LRRTM4: variants seen among roughly 807,000 people sequenced by gnomAD.
The protein encoded by LRRTM4 is leucine rich repeat transmembrane neuronal 4, also known as leucine-rich repeat transmembrane neuronal protein 4.
LRRTM4 carries 25 observed loss-of-function variants against 47.6 expected under a neutral mutation model. The observed-to-expected ratio is 0.53, with a 90% CI of 0.38 to 0.73. The LOEUF (loss-of-function observed/expected upper bound fraction) is 0.73. Ranked by LOEUF, LRRTM4 falls within the 30% of genes least tolerant of loss-of-function variation. LRRTM4 has a pLI of 0.00. For synonymous variants in LRRTM4, 311 were observed against 269.5 expected, an observed-to-expected ratio of 1.15 and a Z score of -1.51; for missense variants, 638 against 713.4, an observed-to-expected ratio of 0.89 and a Z score of 1.20.
chr2:77,457,460 C>A (rs1333050248), intron 3 of LRRTM4, among the ~76,000 whole-genome samples: 2 of 152,046 alleles, frequency 1.3e-5, no homozygotes, highest in Non-Finnish European at 2.9e-5. Flanking sequence ...AGATGGGCTA[C>A]AAGAGAACTT....
rs559968855 is a variant in LRRTM4 at position 77,217,029 on chromosome 2, C to A, written c.1551+301289G>T. Among the ~76,000 whole-genome samples, 57 of 149,176 alleles carry A rather than the reference C, an allele frequency of 3.8e-4. 1 individual carries two copies. Among genetic ancestry groups the A allele is most frequent in the African/African-American group, 1.3e-3 (54 of 40,304 alleles). On this transcript the variant is annotated intron_variant, in intron 3 of 3. Transcript: ENST00000409884. ...CAGAGGTTGCGGTGAGCCGAGATTG[C>A]GCCACTGCACTGCAGCCTGGGCGAC...
intron 3 of LRRTM4, among the ~76,000 whole-genome samples, chr2:76,791,823 A>G (rs1317553349): frequency 6.6e-6 from 1 of 152,208 alleles, no homozygotes; most frequent in Non-Finnish European, 1.5e-5. Flanking sequence ...GTCACAGGAA[A>G]TCAAGTCAAA....
chr2:77,053,880 GAACT>G (rs1311347623), intron 3 of LRRTM4, among the ~76,000 whole-genome samples: 1 of 152,082 alleles, frequency 6.6e-6, no homozygotes, highest in African/African-American at 2.4e-5. Context: ...GAAATCAAAT[GAACT>G]GACTAGAGAA....
At chr2:76,941,306 A>C (rs1675135141) in intron 3 of LRRTM4, among the ~76,000 whole-genome samples, 1 of 152,084 alleles carries the variant, frequency 6.6e-6, no homozygotes, top group Non-Finnish European at 1.5e-5. Context: ...TGTAAAACAC[A>C]TTTTATTTTA....
chr2:77,139,769 A>T (rs567964542), intron 3 of LRRTM4, among the ~76,000 whole-genome samples: 1 of 152,324 alleles, frequency 6.6e-6, no homozygotes, highest in African/African-American at 2.4e-5. Context: ...AAGCAACTTC[A>T]GCAAAGTCTC....
chr2:77,047,295 G>A (rs766443163), intron 3 of LRRTM4, among the ~76,000 whole-genome samples: 45 of 152,086 alleles, frequency 3.0e-4, no homozygotes, highest in Non-Finnish European at 5.9e-4. Flanking sequence ...TTCCTCAGCA[G>A]AATCCTTAAG....
intron 3 of LRRTM4, among the ~76,000 whole-genome samples, chr2:77,458,665 A>G (rs1676660963): frequency 6.6e-6 from 1 of 151,854 alleles, no homozygotes; most frequent in Admixed American, 6.6e-5. Flanking sequence ...GTATCTAGGC[A>G]GGTTTTTCCT....
intron 3 of LRRTM4, among the ~76,000 whole-genome samples, chr2:76,870,996 T>C (rs1672607791): frequency 6.6e-6 from 1 of 152,208 alleles, no homozygotes; most frequent in South Asian, 2.1e-4. Flanking sequence ...CTCCTGACTA[T>C]GCTTACAGAG....
chr2:77,078,265 G>C (rs533058696), intron 3 of LRRTM4, among the ~76,000 whole-genome samples: 6 of 152,174 alleles, frequency 3.9e-5, no homozygotes, highest in African/African-American at 1.4e-4. Flanking sequence ...TTTGTTCTAA[G>C]TGTTAGTTTC....
At chr2:77,392,637 C>G (rs1393730636) in intron 3 of LRRTM4, among the ~76,000 whole-genome samples, 1 of 151,972 alleles carries the variant, frequency 6.6e-6, no homozygotes. Flanking sequence ...ACAAATACCA[C>G]ATGATCTCAC....
chr2:77,480,822 G>GGGGAGAGAGAGA (rs1553449523), intron 3 of LRRTM4, among the ~76,000 whole-genome samples: 2 of 74,498 alleles, frequency 2.7e-5, no homozygotes, highest in Non-Finnish European at 4.8e-5. Flanking sequence ...GTGTGTGTGT[G>GGGGAGAGAGAGA]GAGAGAGAGA....
chr2:77,251,815 G>A (rs990988013), intron 3 of LRRTM4, among the ~76,000 whole-genome samples: 16 of 152,092 alleles, frequency 1.1e-4, no homozygotes, highest in African/African-American at 3.9e-4. Context: ...TATTTTGTTG[G>A]CAAATTCTTC....
At chr2:77,125,169 G>A (rs1195147239) in intron 3 of LRRTM4, among the ~76,000 whole-genome samples, 1 of 152,190 alleles carries the variant, frequency 6.6e-6, no homozygotes, top group African/African-American at 2.4e-5. Context: ...ACACACATCT[G>A]CTGGAGTTCT....
chr2:77,052,530 T>A (rs1408141178), intron 3 of LRRTM4, among the ~76,000 whole-genome samples: 1 of 152,128 alleles, frequency 6.6e-6, no homozygotes. Context: ...AAGGGCCATG[T>A]TACTCATCTA....
chr2:77,139,299 G>A (rs1389591078), intron 3 of LRRTM4, among the ~76,000 whole-genome samples: 1 of 152,130 alleles, frequency 6.6e-6, no homozygotes, highest in Non-Finnish European at 1.5e-5. Context: ...CCTCATCCCT[G>A]GGATGCAAGG....
intron 3 of LRRTM4, among the ~76,000 whole-genome samples, chr2:77,159,333 C>G (rs1421379458): frequency 6.6e-6 from 1 of 151,724 alleles, no homozygotes; most frequent in Admixed American, 6.6e-5. Flanking sequence ...TTTTTCAACA[C>G]AGTAAGCTGT....
chr2:76,795,919 T>A lies in LRRTM4; in HGVS notation c.1552-47003A>T, dbSNP rs1446369686. On this transcript the variant is annotated intron_variant, in intron 3 of 3. Coordinates refer to ENST00000409884, the MANE Select transcript of LRRTM4 (RefSeq NM_001134745.3). ...ATCTGAGGTACCGGGTTCATCTCATTGGGAGTGCCAGACAGTGGGCGCAGG... is the reference window on the plus strand; with the variant it reads ...ATCTGAGGTACCGGGTTCATCTCATAGGGAGTGCCAGACAGTGGGCGCAGG... Among the ~76,000 whole-genome samples, 3 of 151,610 alleles carry A rather than the reference T, an allele frequency of 2.0e-5. No homozygotes were observed. The South Asian group carries it at 6.3e-4, about 32-fold the overall frequency.
chr2:76,865,773 AAG>A (rs1479589956), intron 3 of LRRTM4, among the ~76,000 whole-genome samples: 10 of 152,318 alleles, frequency 6.6e-5, no homozygotes, highest in Non-Finnish European at 1.5e-4. Context: ...ACATTTAAAT[AAG>A]AGAGAATTGT....
intron 3 of LRRTM4, among the ~76,000 whole-genome samples, chr2:76,964,703 C>G (rs1675966909): frequency 6.7e-6 from 1 of 149,198 alleles, no homozygotes; most frequent in South Asian, 2.1e-4. Context: ...GCAATTTAAG[C>G]TTAAATCAAG....
Sources: allele counts gnomAD v4.1 joint callset (sites outside exome capture counted in the v4.1 genomes callset), GRCh38; gene constraint gnomAD v4.1.1; transcripts MANE v1.5; gene names NCBI Gene and HGNC (gene_info 2026-07-23, HGNC 2026-07-21).